Variants in KIAA0232 observed in about 807,000 individuals in gnomAD.
KIAA0232 encodes uncharacterized protein KIAA0232.
KIAA0232 carries 27 observed loss-of-function variants against 122.0 expected under a neutral mutation model. The ratio of observed to expected loss-of-function variants is 0.22; its 90% CI spans 0.16 to 0.31. The LOEUF is 0.31. Among genes scored for constraint, KIAA0232 ranks in the 10% least tolerant of loss-of-function variants. The pLI is 1.00. For synonymous variants in KIAA0232, 613 were observed against 587.6 expected (o/e 1.04, Z -0.63); for missense variants, 1,551 against 1,634.2 (o/e 0.95, Z 0.88).
At chr4:6,841,317 C>G (rs1344638813) in intron 3 of KIAA0232, among the ~76,000 whole-genome samples, 1 of 152,202 alleles carries the variant, frequency 6.6e-6, no homozygotes, top group Non-Finnish European at 1.5e-5. Context: ...ATTTCTTTAT[C>G]TCAAAATCTA....
chr4:6,839,291 A>G (rs1314057874), intron 3 of KIAA0232, among the ~76,000 whole-genome samples: 2 of 152,222 alleles, frequency 1.3e-5, no homozygotes, highest in Non-Finnish European at 2.9e-5. Context: ...AAGAAAATAT[A>G]TAAAATTTTA....
Position 6,782,740 on chromosome 4 carries a change from C to T in KIAA0232, c.-455C>T, listed in dbSNP as rs531801441. ...GCCGCCGCCGCCGCTTTACGTAAGG[C>T]GCAGGCCAGGGCCGCCCGGCGCTCG... is the stretch of plus-strand genomic sequence containing the variant. On this transcript the variant is annotated 5_prime_UTR_variant, in exon 1 of 10. Coordinates refer to ENST00000307659, the MANE Select transcript of KIAA0232 (RefSeq NM_014743.3). The T allele has an allele frequency of 6.7e-6, 1 of 149,998 alleles. No homozygotes were observed. Among genetic ancestry groups the T allele is most frequent in the Non-Finnish European group, 1.5e-5 (1 of 67,252 alleles). 9.3% of individuals were successfully genotyped at this position (149,998 alleles called of 1,614,324 possible).
chr4:6,838,258 T>A (rs535126637), intron 3 of KIAA0232, among the ~76,000 whole-genome samples: 2 of 151,784 alleles, frequency 1.3e-5, no homozygotes, highest in South Asian at 4.2e-4. Flanking sequence ...GCGTGATCTC[T>A]GCTCACTGCA....
intron 4 of KIAA0232, among the ~76,000 whole-genome samples, chr4:6,845,322 A>T (rs778053798): frequency 2.0e-5 from 3 of 152,120 alleles, no homozygotes; most frequent in East Asian, 3.8e-4. Flanking sequence ...TGGCAGAGAA[A>T]ACTTTGTGGT....
At chr4:6,869,633 A>G (rs1721368014) in intron 7 of KIAA0232, among the ~76,000 whole-genome samples, 1 of 152,254 alleles carries the variant, frequency 6.6e-6, no homozygotes, top group Non-Finnish European at 1.5e-5. Context: ...AGAAATTAGC[A>G]AAGGTTAACT....
At chr4:6,859,756 A>T (rs756335634) in intron 6 of KIAA0232, among the ~76,000 whole-genome samples, 11 of 152,232 alleles carry the variant, frequency 7.2e-5, no homozygotes, top group Non-Finnish European at 1.5e-4. Context: ...GACCTTGAGC[A>T]TTGCCTCTGA....
At chr4:6,789,840 A>G (rs1183424316) in intron 1 of KIAA0232, among the ~76,000 whole-genome samples, 13 of 151,960 alleles carry the variant, frequency 8.6e-5, no homozygotes, top group Admixed American at 7.9e-4. Context: ...GTGCCTGGGC[A>G]ACATGGTGAA....
rs1719747133 is a variant in KIAA0232, at chr4:6,843,013, A to G, written c.369+809A>G. ...AGTTCAAACACTTCAAAAGTACTGTATTGGCATATGATTTATATATTTTTT... is the reference window on the plus strand; with the variant it reads ...AGTTCAAACACTTCAAAAGTACTGTGTTGGCATATGATTTATATATTTTTT... On this transcript the variant is annotated intron_variant, in intron 4 of 9. Coordinates refer to ENST00000307659, the MANE Select transcript of KIAA0232 (RefSeq NM_014743.3). Among the ~76,000 whole-genome samples the G allele has an allele frequency of 2.0e-5, 3 of 152,154 alleles. No homozygotes were observed. In the South Asian group the frequency reaches 6.2e-4, roughly 32 times the overall value.
In KIAA0232 at chr4:6,855,753, C is replaced by A. The variant is rs113846159; in HGVS notation, c.370-1411C>A. 4.7e-6 allele frequency: 3 copies of A among 634,898 alleles called. No homozygotes were observed. The highest frequency in any genetic ancestry group is 3.9e-6 in the Non-Finnish European group (2 of 509,856). 39.3% of individuals were successfully genotyped at this position (634,898 alleles called of 1,614,324 possible). A position where few individuals can be genotyped will look rare whatever the true frequency, so the allele number is the denominator to read the frequency against. Reference sequence around the variant, plus strand: ...CCTAGAGGTTCAGTGTTCTGCATTGCGAGACTAGCCCTAGGTTTAGAAACC... The same window carrying A: ...CCTAGAGGTTCAGTGTTCTGCATTGAGAGACTAGCCCTAGGTTTAGAAACC... On this transcript the variant is annotated intron_variant, in intron 4 of 9. Coordinates refer to ENST00000307659, the MANE Select transcript of KIAA0232 (RefSeq NM_014743.3). The surrounding 1 kb of genome is among the most constrained non-coding windows in gnomAD (Gnocchi z 4.3).
In KIAA0232 at chr4:6,861,681, G is replaced by A. The variant is rs1334390551; in HGVS notation, c.1299G>A (p.Leu433=). 6.2e-7 allele frequency: 1 copy of A among 1,614,104 alleles called. No individual in the cohort carries two copies. Among genetic ancestry groups the A allele is most frequent in the Admixed American group, 1.7e-5 (1 of 60,026 alleles). Reference sequence around the variant, plus strand: ...GAAACAGACAGGATACAAGTGATCTGACATCAGAGGCAGTGGAAGAATTGT... The same window carrying A: ...GAAACAGACAGGATACAAGTGATCTAACATCAGAGGCAGTGGAAGAATTGT... ...TYRNRQDTSD[L]TSEAVEELSE... The change falls in exon 7 of 10, where the codon CTG becomes CTA. Residue 433 remains leucine, a synonymous_variant. Coordinates refer to ENST00000307659, the MANE Select transcript of KIAA0232 (RefSeq NM_014743.3).
Position 6,803,980 on chromosome 4 carries a change from T to G in KIAA0232, c.-353-543T>G, listed in dbSNP as rs148289314. On this transcript the variant is annotated intron_variant, in intron 1 of 9. Transcript: ENST00000307659. ...TATCACCTTTGTTAAGTGTGGCACTTTGCTGAGTATTTAAAATGTGTTTTT... is the reference window on the plus strand; with the variant it reads ...TATCACCTTTGTTAAGTGTGGCACTGTGCTGAGTATTTAAAATGTGTTTTT... Among the ~76,000 whole-genome samples the G allele has an allele frequency of 3.1e-3, 479 of 152,344 alleles. 3 individuals are homozygous for G. Among genetic ancestry groups the G allele is most frequent in the African/African-American group, 0.011 (449 of 41,576 alleles).
At chr4:6,856,066 A>G (rs1720551072) in intron 4 of KIAA0232, among the ~76,000 whole-genome samples, 1 of 152,194 alleles carries the variant, frequency 6.6e-6, no homozygotes, top group South Asian at 2.1e-4. Context: ...ATGTAACTCT[A>G]GATGTTTACA....
intron 3 of KIAA0232, among the ~76,000 whole-genome samples, chr4:6,825,868 C>T (rs1225058226): frequency 1.3e-5 from 2 of 152,166 alleles, no homozygotes; most frequent in African/African-American, 2.4e-5. Context: ...GTTTCATTGT[C>T]AGGAGATATT....
At chr4:6,797,289 G>A (rs1717171435) in intron 1 of KIAA0232, among the ~76,000 whole-genome samples, 1 of 152,148 alleles carries the variant, frequency 6.6e-6, no homozygotes, top group Admixed American at 6.5e-5. Context: ...CCTGCATTTT[G>A]CCATTGGCTA....
intron 1 of KIAA0232, among the ~76,000 whole-genome samples, chr4:6,788,277 G>A (rs192095806): frequency 1.5e-3 from 223 of 152,138 alleles, no homozygotes; most frequent in African/African-American, 4.7e-3. Flanking sequence ...CTTGGCCTCC[G>A]AAAGTGCCGA....
intron 2 of KIAA0232, among the ~76,000 whole-genome samples, chr4:6,823,578 TAAAG>T (rs1269724763): frequency 6.6e-6 from 1 of 152,150 alleles, no homozygotes; most frequent in Non-Finnish European, 1.5e-5. Context: ...ATATAAAACA[TAAAG>T]AACTAATTTT....
intron 4 of KIAA0232, among the ~76,000 whole-genome samples, chr4:6,853,584 A>G (rs1374141490): frequency 6.6e-6 from 1 of 152,190 alleles, no homozygotes; most frequent in African/African-American, 2.4e-5. Flanking sequence ...CATGTAGGTT[A>G]GTGATCACAC....
chr4:6,840,308 T>A (rs1190474903), intron 3 of KIAA0232, among the ~76,000 whole-genome samples: 5 of 152,206 alleles, frequency 3.3e-5, no homozygotes, highest in Non-Finnish European at 7.3e-5. Context: ...CATTTCTGAT[T>A]GGCCACGTGC....
intron 5 of KIAA0232, among the ~76,000 whole-genome samples, chr4:6,857,798 A>G (rs191385137): frequency 6.6e-6 from 1 of 152,282 alleles, no homozygotes; most frequent in Non-Finnish European, 1.5e-5. Context: ...ATCCCTAAGA[A>G]CGAGACCTTC....
Sources: gnomAD v4.1 joint callset for allele counts (sites outside exome capture counted in the v4.1 genomes callset) on GRCh38, gnomAD v4.1.1 for gene constraint, Gnocchi (gnomAD v3.1) non-coding constraint, MANE v1.5 for transcripts, NCBI Gene and HGNC (gene_info 2026-07-23, HGNC 2026-07-21) for gene names.